BBX: variants seen among roughly 807,000 people sequenced by gnomAD.
BBX encodes HMG box transcription factor BBX.
Under a neutral mutation model 100.2 loss-of-function variants are expected in BBX, and 30 were observed. The ratio of observed to expected loss-of-function variants is 0.30; its 90% CI spans 0.22 to 0.41. The LOEUF is 0.41. Ranked by LOEUF, BBX falls within the 10% of genes least tolerant of loss-of-function variation. The pLI is 1.00. For synonymous variants in BBX, 376 were observed against 388.1 expected (o/e 0.97, Z 0.37); for missense variants, 1,023 against 1,129.8 (o/e 0.91, Z 1.35).
At chr3:107,758,614 C>CG (rs1287744841) in intron 10 of BBX, among the ~76,000 whole-genome samples, 1 of 152,076 alleles carries the variant, frequency 6.6e-6, no homozygotes, top group African/African-American at 2.4e-5. Flanking sequence ...TTCCTACTGT[C>CG]GGGAAAAAGC....
intron 5 of BBX, among the ~76,000 whole-genome samples, chr3:107,720,885 T>C (rs1216387451): frequency 2.0e-5 from 3 of 152,096 alleles, no homozygotes; most frequent in African/African-American, 7.2e-5. Flanking sequence ...GTTCATCAGA[T>C]ATGGACTCTT....
Position 107,806,600 on chromosome 3 carries a change from G to C in BBX, c.*1143G>C, listed in dbSNP as rs1273266398. On this transcript the variant is annotated 3_prime_UTR_variant, in exon 18 of 18. Coordinates refer to ENST00000325805, the MANE Select transcript of BBX (RefSeq NM_001142568.3). ...ATGCCTGACCAGAGTGGGACTCTCAGTCATAGATCCACCTGCAAGTCTCTG... is the reference window on the plus strand; with the variant it reads ...ATGCCTGACCAGAGTGGGACTCTCACTCATAGATCCACCTGCAAGTCTCTG... 6.6e-6 allele frequency: 1 copy of C among 152,198 alleles called. No homozygotes were observed. Among genetic ancestry groups the C allele is most frequent in the Non-Finnish European group, 1.5e-5 (1 of 68,032 alleles). 9.4% of individuals were successfully genotyped at this position (152,198 alleles called of 1,614,324 possible).
At chr3:107,577,591 A>C (rs1208207026) in intron 2 of BBX, among the ~76,000 whole-genome samples, 1 of 152,200 alleles carries the variant, frequency 6.6e-6, no homozygotes, top group African/African-American at 2.4e-5. Context: ...ATAAGGAATA[A>C]TAGAATTATG....
In BBX at chr3:107,723,235, C is replaced by T. The variant is rs573107844; in HGVS notation, c.406-5530C>T. On this transcript the variant is annotated intron_variant, in intron 5 of 17. Transcript: ENST00000325805. Reference sequence around the variant, plus strand: ...GAAAAGATCTAGACTGTAATAATAACTGGAAATACTAGTGGACTTTTAGAT... The same window carrying T: ...GAAAAGATCTAGACTGTAATAATAATTGGAAATACTAGTGGACTTTTAGAT... 1.2e-4 allele frequency among the ~76,000 whole-genome samples: 18 copies of T among 151,860 alleles called. No homozygotes were observed. The East Asian group carries it at 1.8e-3, about 15-fold the overall frequency.
intron 4 of BBX, among the ~76,000 whole-genome samples, chr3:107,713,735 G>A (rs1321423892): frequency 6.6e-6 from 1 of 151,934 alleles, no homozygotes; most frequent in African/African-American, 2.4e-5. Flanking sequence ...TTTAAATATG[G>A]CAGAGCACAT....
At chr3:107,707,871 TA>T (rs1397625158) in intron 3 of BBX, among the ~76,000 whole-genome samples, 1 of 152,208 alleles carries the variant, frequency 6.6e-6, no homozygotes, top group South Asian at 2.1e-4. Context: ...CATAGTTAAA[TA>T]ATAATTTAAT....
At chr3:107,794,935 G>T (rs11714512) in intron 15 of BBX, among the ~76,000 whole-genome samples, 24,461 of 152,184 alleles carry the variant, frequency 0.16, 2,571 homozygotes, top group South Asian at 0.36. Flanking sequence ...GTGGCTCCAG[G>T]AGTGAGCTTG....
intron 2 of BBX, among the ~76,000 whole-genome samples, chr3:107,605,387 G>C (rs202114109): frequency 9.3e-5 from 8 of 86,230 alleles, no homozygotes; most frequent in Non-Finnish European, 2.1e-4. Context: ...TTTTTTTTTT[G>C]GGGGGGGGAT....
chr3:107,677,597 A>G (rs968284071), intron 3 of BBX: 1 of 152,186 alleles, frequency 6.6e-6, no homozygotes, highest in African/African-American at 2.4e-5. Flanking sequence ...AAAATCATCT[A>G]ACAGAAAGCC....
chr3:107,620,035 T>C (rs1305647135), intron 2 of BBX, among the ~76,000 whole-genome samples: 4 of 152,196 alleles, frequency 2.6e-5, no homozygotes, highest in African/African-American at 9.6e-5. Context: ...TTAGTTCTTT[T>C]GTTACTGTTT....
At chr3:107,613,265 C>T (rs2054983190) in intron 2 of BBX, among the ~76,000 whole-genome samples, 1 of 149,896 alleles carries the variant, frequency 6.7e-6, no homozygotes, top group Non-Finnish European at 1.5e-5. Flanking sequence ...CGGCTCACTA[C>T]AAGCTCTGCC....
At chr3:107,562,522 A>G (rs965343453) in intron 2 of BBX, among the ~76,000 whole-genome samples, 13 of 152,186 alleles carry the variant, frequency 8.5e-5, no homozygotes, top group African/African-American at 2.7e-4. Flanking sequence ...TTTAGTTTTG[A>G]CAGGTTAACT....
At chr3:107,757,770 C>T (rs778888027) in intron 10 of BBX, among the ~76,000 whole-genome samples, 21 of 151,912 alleles carry the variant, frequency 1.4e-4, no homozygotes, top group Non-Finnish European at 2.6e-4. Context: ...CAAAATATAA[C>T]GTTTAATTAT....
At chr3:107,535,755 T>C (rs1263181318) in intron 2 of BBX, among the ~76,000 whole-genome samples, 1 of 152,034 alleles carries the variant, frequency 6.6e-6, no homozygotes, top group African/African-American at 2.4e-5. Context: ...ACCACGCCCG[T>C]CTACTTTTTG....
In BBX at chr3:107,805,600, G is replaced by A; in HGVS notation, c.*143G>A. 6.8e-7 allele frequency: 1 copy of A among 1,466,766 alleles called. No homozygotes were observed. The highest frequency in any genetic ancestry group is 9.2e-7 in the Non-Finnish European group (1 of 1,084,916). 90.9% of individuals were successfully genotyped at this position (1,466,766 alleles called of 1,614,324 possible). ...CCCACACGGCCCAGATTCACTTGAA[G>A]CAGAAGTTAGCATCCTGGGCCAGTT... On this transcript the variant is annotated 3_prime_UTR_variant, in exon 18 of 18. Transcript: ENST00000325805.
chr3:107,798,831 G>T, intron 16 of BBX, 111 bp downstream of exon 16: 49 of 865,490 alleles, frequency 5.7e-5, no homozygotes, highest in Non-Finnish European at 7.0e-5. Flanking sequence ...AATAGCCAAT[G>T]AGCTAAAAAA....
chr3:107,780,214 A>G lies in BBX; in HGVS notation c.2203+1695A>G, dbSNP rs1410508166. ...TTGAGCTCCCATAATTCTTGGATTT[A>G]AAGTTGCTGATAAATACCTGACAAG... On this transcript the variant is annotated intron_variant, in intron 13 of 17. Transcript: ENST00000325805. Among the ~76,000 whole-genome samples the G allele has an allele frequency of 3.3e-5, 5 of 152,220 alleles. No homozygotes were observed. The East Asian group carries it at 9.7e-4, about 29-fold the overall frequency.
intron 4 of BBX, among the ~76,000 whole-genome samples, chr3:107,716,114 G>T (rs917898020): frequency 6.6e-6 from 1 of 152,040 alleles, no homozygotes; most frequent in African/African-American, 2.4e-5. Flanking sequence ...ATTATTAGTT[G>T]TAGAAAAAGG....
At chr3:107,565,748 T>C (rs709530) in intron 2 of BBX, among the ~76,000 whole-genome samples, 35,763 of 151,534 alleles carry the variant, frequency 0.24, 4,728 homozygotes, top group Non-Finnish European at 0.3. Context: ...TGAGCCACCG[T>C]GCCCAACCTA....
Sources: gnomAD v4.1 joint callset for allele counts (sites outside exome capture counted in the v4.1 genomes callset) on GRCh38, gnomAD v4.1.1 for gene constraint, MANE v1.5 for transcripts, NCBI Gene and HGNC (gene_info 2026-07-23, HGNC 2026-07-21) for gene names.